NBAS: variants seen among roughly 807,000 people sequenced by gnomAD.
NBAS encodes NBAS subunit of NRZ tethering complex.
In NBAS, 219 loss-of-function variants were observed where a neutral mutation model predicts 302.5. That is an observed-to-expected ratio of 0.72 (90% confidence interval 0.65 to 0.81). NBAS has a LOEUF of 0.81. Ranked by LOEUF, NBAS falls within the 30% of genes least tolerant of loss-of-function variation. The probability of loss-of-function intolerance (pLI) is 0.00; values close to 1 mark genes in which losing one functional copy is unlikely to be tolerated. For missense variants in NBAS, 2,932 were observed against 2,841.6 expected (o/e 1.03, Z -0.72); for synonymous variants, 1,118 against 1,021.6 (o/e 1.09, Z -1.80).
At chr2:15,277,373 A>C (rs187120795) in intron 42 of NBAS, among the ~76,000 whole-genome samples, 1 of 152,338 alleles carries the variant, frequency 6.6e-6, no homozygotes, top group Admixed American at 6.5e-5. Flanking sequence ...AAGTTCCTGC[A>C]GTTGGGAGAG....
chr2:15,535,887 T>C (rs1219663458), intron 8 of NBAS, among the ~76,000 whole-genome samples: 1 of 152,170 alleles, frequency 6.6e-6, no homozygotes, highest in Non-Finnish European at 1.5e-5. Flanking sequence ...TTAAAAAAAT[T>C]TTAAACACTA....
At chr2:14,872,342 A>C in the NBAS span, among the ~76,000 whole-genome samples, 3 of 152,190 alleles carry the variant, frequency 2.0e-5, no homozygotes, top group Non-Finnish European at 4.4e-5. Context: ...CTTGAACAAA[A>C]CTGCCAGCCA....
At chr2:15,146,850 G>A in the NBAS span, among the ~76,000 whole-genome samples, 4 of 152,150 alleles carry the variant, frequency 2.6e-5, no homozygotes, top group African/African-American at 4.8e-5. Context: ...GGGTACAAGT[G>A]CAGAGAAGGT....
At chr2:15,478,723 C>T (rs1372567603) in intron 12 of NBAS, among the ~76,000 whole-genome samples, 2 of 152,102 alleles carry the variant, frequency 1.3e-5, no homozygotes, top group African/African-American at 4.8e-5. Flanking sequence ...TCCATGTTAC[C>T]TCCTAGTCCT....
At chr2:14,790,365 G>A in the NBAS span, among the ~76,000 whole-genome samples, 1 of 152,124 alleles carries the variant, frequency 6.6e-6, no homozygotes, top group Non-Finnish European at 1.5e-5. Flanking sequence ...ATTTGCTTTT[G>A]AGCCAGCCTC....
chr2:15,443,904 T>C (rs918565402), intron 21 of NBAS, among the ~76,000 whole-genome samples: 2 of 152,100 alleles, frequency 1.3e-5, no homozygotes, highest in Non-Finnish European at 2.9e-5. Context: ...CCATTCACAA[T>C]TGCTTCAAAG....
intron 28 of NBAS, among the ~76,000 whole-genome samples, chr2:15,383,836 A>T (rs2148384737): frequency 6.6e-6 from 1 of 152,278 alleles, no homozygotes. Flanking sequence ...CCAGCAGGGC[A>T]GCATCAGTTG....
At chr2:15,241,897 C>T (rs533824983) in intron 44 of NBAS, among the ~76,000 whole-genome samples, 6 of 152,270 alleles carry the variant, frequency 3.9e-5, no homozygotes, top group South Asian at 2.1e-4. Context: ...AATTGTAACT[C>T]GAACCCTAAG....
chr2:15,244,614 G>A (rs982583133), intron 44 of NBAS, among the ~76,000 whole-genome samples: 2 of 152,102 alleles, frequency 1.3e-5, no homozygotes, highest in Non-Finnish European at 2.9e-5. Flanking sequence ...GTGTCGGGGT[G>A]GGTGTGGGGG....
At chr2:15,269,427 C>G (rs1342568821) in intron 44 of NBAS, among the ~76,000 whole-genome samples, 4 of 152,108 alleles carry the variant, frequency 2.6e-5, no homozygotes, top group Non-Finnish European at 1.5e-5. Context: ...GCATGCCGGG[C>G]TACTTTTGCT....
At chr2:15,323,813 C>A (rs918952825) in intron 38 of NBAS, among the ~76,000 whole-genome samples, 1 of 150,726 alleles carries the variant, frequency 6.6e-6, no homozygotes, top group Non-Finnish European at 1.5e-5. Flanking sequence ...CCAGCCTGGG[C>A]GACACAGCAA....
Position 15,232,442 on chromosome 2 carries a change from G to C in NBAS, c.6216C>G (p.Val2072=), listed in dbSNP as rs996937930. ...CTTACCCCTTGTCCACACTGGCGTG[G>C]ACTGCTGCAACAACACCTTCCAGGA... ...LKVLEGVVAA[V]HASVDKGEEL... The change falls in exon 47 of 52, where the codon GTC becomes GTG. Residue 2072 remains valine, a synonymous_variant. Transcript: ENST00000281513. 5.6e-6 allele frequency: 9 copies of C among 1,613,992 alleles called. No individual in the cohort carries two copies. The highest frequency in any genetic ancestry group is 7.6e-6 in the Non-Finnish European group (9 of 1,180,028).
chr2:15,357,322 C>T (rs1185043454), intron 32 of NBAS, among the ~76,000 whole-genome samples: 1 of 152,188 alleles, frequency 6.6e-6, no homozygotes, highest in African/African-American at 2.4e-5. Flanking sequence ...ACACCTTATA[C>T]AATTTTCCCA....
At chr2:15,473,442 T>C (rs908968500) in intron 15 of NBAS, 95 bp from the exon 16 acceptor site, 19 of 1,481,192 alleles carry the variant, frequency 1.3e-5, no homozygotes, top group Non-Finnish European at 1.7e-5. Context: ...TCCCTTGGAC[T>C]TATCCAGCAT....
intron 51 of NBAS, among the ~76,000 whole-genome samples, chr2:15,169,942 G>A (rs1664216152): frequency 6.6e-6 from 1 of 152,182 alleles, no homozygotes; most frequent in African/African-American, 2.4e-5. Context: ...GAATCCCCCT[G>A]CCTAACCCTG....
At chr2:14,992,703 T>C in the NBAS span, among the ~76,000 whole-genome samples, 1 of 152,210 alleles carries the variant, frequency 6.6e-6, no homozygotes, top group Non-Finnish European at 1.5e-5. Flanking sequence ...TCCACACCAG[T>C]GTCCTTCATC....
chr2:15,401,848 TTAC>T (rs1189672465), intron 26 of NBAS, among the ~76,000 whole-genome samples: 1 of 152,162 alleles, frequency 6.6e-6, no homozygotes, highest in Non-Finnish European at 1.5e-5. Flanking sequence ...AAAAACACAA[TTAC>T]TACCTACTGA....
the NBAS span, among the ~76,000 whole-genome samples, chr2:15,101,158 A>C: frequency 6.6e-6 from 1 of 152,230 alleles, no homozygotes; most frequent in Non-Finnish European, 1.5e-5. Context: ...CAGCCATTCA[A>C]ACCAAACATA....
At chr2:15,277,660 T>C (rs1479103555) in intron 42 of NBAS, among the ~76,000 whole-genome samples, 2 of 152,238 alleles carry the variant, frequency 1.3e-5, no homozygotes, top group Admixed American at 6.5e-5. Context: ...AATTAAACTT[T>C]CACTTGGGTT....
Sources: gnomAD v4.1 joint callset for allele counts (sites outside exome capture counted in the v4.1 genomes callset) on GRCh38, gnomAD v4.1.1 for gene constraint, MANE v1.5 for transcripts, NCBI Gene and HGNC (gene_info 2026-07-23, HGNC 2026-07-21) for gene names.